The following PAN2 variants were observed in gnomAD, a reference collection of about 807,000 sequenced individuals.
PAN2 encodes the protein poly(A) specific ribonuclease subunit PAN2.
A neutral mutation model predicts 133.3 loss-of-function variants in PAN2; 68 were observed. The observed-to-expected ratio is 0.51, with a 90% CI of 0.42 to 0.62. PAN2 has a LOEUF of 0.62. Ranked by LOEUF, PAN2 falls within the 20% of genes least tolerant of loss-of-function variation. The probability of loss-of-function intolerance (pLI) is 0.00; values close to 1 mark genes in which losing one functional copy is unlikely to be tolerated. For synonymous variants in PAN2, 462 were observed against 544.6 expected (o/e 0.85, Z 2.11); for missense variants, 1,042 against 1,500.5 (o/e 0.69, Z 5.05).
chr12:56,320,100 C>T lies in PAN2; in HGVS notation c.2789-79G>A, dbSNP rs1164389360. 11 of 1,348,416 alleles carry T rather than the reference C, an allele frequency of 8.2e-6. No individual in the cohort carries two copies. In the East Asian group the frequency reaches 9.2e-5, roughly 11 times the overall value. The allele number at this position is 1,348,416 out of a possible 1,614,324, so 83.5% of individuals were successfully genotyped here. A position where few individuals can be genotyped will look rare whatever the true frequency, so the allele number is the denominator to read the frequency against. On this transcript the variant is annotated intron_variant, in intron 20 of 25. Transcript: ENST00000440411. ...AGAGAAGCCCAGTGTGGCTGATCAT[C>T]GACTCTGGGTCTTCACTGTGATCCC...
Position 56,324,039 on chromosome 12 carries a change from C to G in PAN2, c.2065+10G>C. The G allele has an allele frequency of 1.2e-6, 2 of 1,614,170 alleles. No individual in the cohort carries two copies. Among genetic ancestry groups the G allele is most frequent in the Non-Finnish European group, 1.7e-6 (2 of 1,180,008 alleles). On this transcript the variant is annotated intron_variant, in intron 13 of 25. Coordinates refer to ENST00000440411, the MANE Select transcript of PAN2 (RefSeq NM_014871.6). ...CCCAACTGAGCTGAAGGGTATACCA[C>G]TTTTGCTACCATCAGGGTAGGAGAG...
In PAN2 at chr12:56,322,920, T is replaced by C. The variant is rs1295589003; in HGVS notation, c.2493+142A>G. Reference sequence around the variant, plus strand: ...ACCCCAACACTGAACTGAGTGACTATGGAAAATCCCCTAACAGGTAAATAC... The same window carrying C: ...ACCCCAACACTGAACTGAGTGACTACGGAAAATCCCCTAACAGGTAAATAC... On this transcript the variant is annotated intron_variant, in intron 17 of 25. Coordinates refer to ENST00000440411, the MANE Select transcript of PAN2 (RefSeq NM_014871.6). 45 of 1,293,050 alleles carry C rather than the reference T, an allele frequency of 3.5e-5. No homozygotes were observed. In the East Asian group the frequency reaches 1.0e-3, roughly 30 times the overall value. 80.1% of individuals were successfully genotyped at this position (1,293,050 alleles called of 1,614,324 possible). A position where few individuals can be genotyped will look rare whatever the true frequency, so the allele number is the denominator to read the frequency against.
intron 24 of PAN2, chr12:56,318,669 C>T: frequency 6.0e-6 from 3 of 501,596 alleles, no homozygotes; most frequent in Non-Finnish European, 1.0e-5. Context: ...ACTTTTCCTA[C>T]TTTTTCTTTT....
In PAN2 at chr12:56,319,531, G is replaced by A; in HGVS notation, c.3091-44C>T. Reference sequence around the variant, plus strand: ...ACAAGCCTTTTTCAGGAAGTGAGATGGAGTCTTCCCCTATCACTCTTCCCT... The same window carrying A: ...ACAAGCCTTTTTCAGGAAGTGAGATAGAGTCTTCCCCTATCACTCTTCCCT... On this transcript the variant is annotated intron_variant, in intron 22 of 25. Transcript: ENST00000440411. The surrounding 1 kb of genome is among the most constrained non-coding windows in gnomAD (Gnocchi z 5.4). 1 of 1,596,304 alleles carries A rather than the reference G, an allele frequency of 6.3e-7. No individual in the cohort carries two copies. Among genetic ancestry groups the A allele is most frequent in the East Asian group, 2.2e-5 (1 of 44,736 alleles).
At position 56,323,605 on chromosome 12, in the gene PAN2, G is replaced by C. The variant is rs753502310; in HGVS notation, c.2173-7C>G. 6.2e-7 allele frequency: 1 copy of C among 1,612,406 alleles called. No individual in the cohort carries two copies. The highest frequency in any genetic ancestry group is 2.2e-5 in the East Asian group (1 of 44,876). On this transcript the variant is annotated splice_polypyrimidine_tract_variant and splice_region_variant and intron_variant, in intron 14 of 25. Transcript: ENST00000440411. ...GGATGTTGCGGGTCTGAATCTGAGA[G>C]GAAGAAACAAACAAGGAATGGCAGG...
At chr12:56,326,263 A>C (rs1455642296) in intron 8 of PAN2, 50 bp downstream of exon 8, 2 of 1,482,922 alleles carry the variant, frequency 1.3e-6, no homozygotes, top group African/African-American at 2.8e-5. Context: ...AAAAGATAGG[A>C]GAAACTTCAG....
At chr12:56,321,937 G>A (rs1365048792) in intron 20 of PAN2, 141 bp downstream of exon 20, 1 of 545,604 alleles carries the variant, frequency 1.8e-6, no homozygotes, top group Non-Finnish European at 3.3e-6. Context: ...TTTAAGGTCT[G>A]ATGAGCAGGA....
chr12:56,322,154 C>T lies in PAN2; in HGVS notation c.2712G>A (p.Gln904=). 3 of 1,602,568 alleles carry T rather than the reference C, an allele frequency of 1.9e-6. No individual in the cohort carries two copies. The highest frequency in any genetic ancestry group is 2.6e-6 in the Non-Finnish European group (3 of 1,169,576). ...CAGGTACTTTCCAATTCATGTCAAACTGCACAGCTTCATGCTATAGAAGAG... is the reference window on the plus strand; with the variant it reads ...CAGGTACTTTCCAATTCATGTCAAATTGCACAGCTTCATGCTATAGAAGAG... ...IEPIDKHEAV[Q]FDMNWKVPAI... Residue 904 remains glutamine, a synonymous_variant, in exon 20 of 26, where the codon CAG becomes CAA. Transcript: ENST00000440411.
At chr12:56,326,210 G>C in intron 8 of PAN2, 103 bp downstream of exon 8, 11 of 1,104,604 alleles carry the variant, frequency 1.0e-5, no homozygotes, top group Non-Finnish European at 1.4e-5. Context: ...AATTTGGTTG[G>C]TTACCAACAG....
At chr12:56,327,074 C>G (rs922839881) in intron 6 of PAN2, 115 bp from the exon 7 acceptor site, 1 of 903,364 alleles carries the variant, frequency 1.1e-6, no homozygotes, top group Non-Finnish European at 1.7e-6. Context: ...AAATCCATGC[C>G]TAGAGACAGA....
chr12:56,330,361 T>TTC (rs1875652395), intron 2 of PAN2, among the ~76,000 whole-genome samples: 2 of 101,130 alleles, frequency 2.0e-5, no homozygotes, highest in African/African-American at 7.5e-5. Context: ...TTCTTTTTTT[T>TTC]TTTTTTTTTT....
intron 7 of PAN2, 37 bp downstream of exon 7, chr12:56,326,580 G>C: frequency 6.4e-7 from 1 of 1,571,930 alleles, no homozygotes; most frequent in Non-Finnish European, 8.7e-7. Context: ...CCCTTTCCCT[G>C]TCCCTCCCGC....
rs751398347 is a variant in PAN2 at position 56,328,564 on chromosome 12, C to T, written c.360G>A (p.Arg120=). 6 of 1,614,058 alleles carry T rather than the reference C, an allele frequency of 3.7e-6. No homozygotes were observed. The highest frequency in any genetic ancestry group is 5.1e-6 in the Non-Finnish European group (6 of 1,179,998). The stretch of plus-strand genomic sequence containing the variant: ...TACCATTCTCCAGGCTCTGGATCTG[C>T]CGAATATCATCACTGCCATTGACTT... ...SFQVNGSDDI[R]QIQSLENGIL... is the part of the protein sequence containing the mutation. The change falls in exon 3 of 26, where the codon CGG becomes CGA. Residue 120 remains arginine, a synonymous_variant. Transcript: ENST00000440411.
At chr12:56,324,840 C>T (rs780657769) in intron 10 of PAN2, 131 bp from the exon 11 acceptor site, 13 of 1,349,816 alleles carry the variant, frequency 9.6e-6, no homozygotes, top group African/African-American at 1.5e-5. Flanking sequence ...TCCACCAAAC[C>T]GGTGGAGCTC....
rs1874914103 is a variant in PAN2, at chr12:56,324,695, C to T, written c.1614G>A (p.Leu538=). The T allele has an allele frequency of 6.2e-7, 1 of 1,613,296 alleles. No individual in the cohort carries two copies. The highest frequency in any genetic ancestry group is 8.5e-7 in the Non-Finnish European group (1 of 1,179,764). The change falls in exon 11 of 26, where the codon CTG becomes CTA. Residue 538 remains leucine, a synonymous_variant. Transcript: ENST00000440411. ...TTTGAATTAGACAGCGTACAGGCTC[C>T]AGGAAATAGAGCACCTGGAGGGAAA... ...CNCMIQVLYF[L]EPVRCLIQNH... is the part of the protein sequence containing the mutation.
chr12:56,320,046 CAG>C (rs1348110795), intron 20 of PAN2, 25 bp from the exon 21 acceptor site: 1 of 1,613,166 alleles, frequency 6.2e-7, no homozygotes, highest in East Asian at 2.2e-5. Flanking sequence ...GCAGAGGACA[CAG>C]GGCTTGGATA....
In PAN2 at chr12:56,319,977, G is replaced by C. The variant is rs951876584; in HGVS notation, c.2833C>G (p.Leu945Val). 6.2e-7 allele frequency: 1 copy of C among 1,614,192 alleles called. No individual in the cohort carries two copies. The highest frequency in any genetic ancestry group is 1.1e-5 in the South Asian group (1 of 91,080). ...TGTGTTTTCCGCTGCTTCCGTGCCA[G>C]CGAGGCTTCAGCCAGCAAGACACTT... ...EASVLLAEAS[L>V]ARKQRKTHTT... Residue 945 changes from leucine (L) to valine (V), a missense_variant, in exon 21 of 26, where the codon CTG (leucine) becomes GTG (valine). Transcript: ENST00000440411. This position sits in a 1 kb window ranked among gnomAD's most constrained non-coding sequence, Gnocchi z 5.4.
chr12:56,332,600 GAAAA>G (rs373985446), intron 2 of PAN2: 2,330 of 319,732 alleles, frequency 7.3e-3, no homozygotes, highest in East Asian at 9.5e-3. Flanking sequence ...ACCCTGTCTC[GAAAA>G]AAAAAAAAAA....
chr12:56,327,680 T>C (rs1340049145), intron 5 of PAN2, 49 bp from the exon 6 acceptor site: 2 of 1,596,252 alleles, frequency 1.3e-6, no homozygotes, highest in Non-Finnish European at 1.7e-6. Flanking sequence ...TCAGGAAAAA[T>C]ACCTGCCACC....
Sources: gnomAD v4.1 joint callset for allele counts (sites outside exome capture counted in the v4.1 genomes callset) on GRCh38, gnomAD v4.1.1 for gene constraint, Gnocchi (gnomAD v3.1) non-coding constraint, MANE v1.5 for transcripts, NCBI Gene and HGNC (gene_info 2026-07-23, HGNC 2026-07-21) for gene names.